CHST10: variants seen among roughly 807,000 people sequenced by gnomAD.
CHST10 encodes the protein HNK-1 sulfotransferase.
In CHST10, 24 loss-of-function variants were observed where a neutral mutation model predicts 34.7. The observed-to-expected ratio is 0.69, with a 90% CI of 0.50 to 0.97. CHST10 has a LOEUF of 0.97. CHST10 is among the 50% of genes least tolerant of loss of function. The probability of loss-of-function intolerance (pLI) is 0.00; values close to 1 mark genes in which losing one functional copy is unlikely to be tolerated. For missense variants in CHST10, 402 were observed against 452.1 expected (o/e 0.89, Z 1.00); for synonymous variants, 161 against 169.3 (o/e 0.95, Z 0.38).
At chr2:100,411,119 T>TC (rs1404489259) in intron 2 of CHST10, among the ~76,000 whole-genome samples, 9 of 147,058 alleles carry the variant, frequency 6.1e-5, no homozygotes, top group East Asian at 5.8e-4. Flanking sequence ...ATTTTTTCTT[T>TC]TTTTTTTTTT....
At chr2:100,401,889 C>T (rs1467378984) in intron 4 of CHST10, among the ~76,000 whole-genome samples, 1 of 152,180 alleles carries the variant, frequency 6.6e-6, no homozygotes, top group Admixed American at 6.5e-5. Context: ...CTCGCTGTAC[C>T]CATTTCATTC....
chr2:100,395,603 A>G lies in CHST10; in HGVS notation c.439T>C (p.Ser147Pro), dbSNP rs1675021343. ...VLIVLNGAFS[S>P]IEEIPENVVH... ...ACGTTTTCGGGGATCTCCTCAATGG[A>G]AGAAAATGCTCCTGGGAAGTAAACG... Residue 147 changes from serine (S) to proline (P), a missense_variant, in exon 6 of 7, where the codon TCC becomes CCC. Coordinates refer to ENST00000264249, the MANE Select transcript of CHST10 (RefSeq NM_004854.5). The G allele has an allele frequency of 6.2e-7, 1 of 1,613,560 alleles. No individual in the cohort carries two copies. Among genetic ancestry groups the G allele is most frequent in the Non-Finnish European group, 8.5e-7 (1 of 1,179,650 alleles).
At position 100,393,781 on chromosome 2, in the gene CHST10, A is replaced by G. The variant is rs756837256; in HGVS notation, c.535T>C (p.Leu179=). 3 of 1,604,046 alleles carry G rather than the reference A, an allele frequency of 1.9e-6. No homozygotes were observed. The highest frequency in any genetic ancestry group is 1.7e-5 in the Admixed American group (1 of 59,850). The change falls in exon 7 of 7, where the codon TTG becomes CTG. Residue 179 remains leucine (L), a splice_region_variant and synonymous_variant. Transcript: ENST00000264249. The stretch of plus-strand genomic sequence containing the variant: ...ATAAAAAACTTGAAGTATGTTTTCA[A>G]TCTAAGGAAAAAAACGAACAAGAGG... The part of the protein sequence containing the change: ...SFSDAEIQKR[L]KTYFKFFIVR...
At chr2:100,403,111 CTAAT>C (rs974756629) in intron 3 of CHST10, among the ~76,000 whole-genome samples, 1 of 152,188 alleles carries the variant, frequency 6.6e-6, no homozygotes, top group African/African-American at 2.4e-5. Context: ...ACCAACCAAT[CTAAT>C]TAGAAAATAG....
rs1675020891 is a variant in CHST10 at position 100,395,595 on chromosome 2, C to T, written c.447G>A (p.Glu149=). The T allele has an allele frequency of 2.5e-6, 4 of 1,613,906 alleles. No individual in the cohort carries two copies. The highest frequency in any genetic ancestry group is 3.4e-6 in the Non-Finnish European group (4 of 1,179,820). ...CGTGCACCACGTTTTCGGGGATCTC[C>T]TCAATGGAAGAAAATGCTCCTGGGA... ...IVLNGAFSSI[E]EIPENVVHDH... Residue 149 remains glutamate, a synonymous_variant, in exon 6 of 7, where the codon GAG becomes GAA. Coordinates refer to ENST00000264249, the MANE Select transcript of CHST10 (RefSeq NM_004854.5).
Position 100,393,292 on chromosome 2 carries a change from C to G in CHST10, c.1024G>C (p.Asp342His). 4 of 1,614,186 alleles carry G rather than the reference C, an allele frequency of 2.5e-6. No homozygotes were observed. The highest frequency in any genetic ancestry group is 3.4e-6 in the Non-Finnish European group (4 of 1,180,034). Residue 342 changes from aspartate to histidine, a missense_variant, in exon 7 of 7, where the codon GAC (aspartate) becomes CAC (histidine). Asp to His is a moderately conservative substitution (Grantham distance 81, BLOSUM62 -1). Transcript: ENST00000264249. Reference protein sequence around the residue: ...IRRLYARFEGDFKLFGYQKPD... With the variant: ...IRRLYARFEGHFKLFGYQKPD... ...TTCTGGTACCCAAAGAGCTTAAAGT[C>G]CCCTTCGAAACGGGCATACAGGCGT...
At chr2:100,397,501 CTGCAGAGAGGG>C (rs1284222026) in intron 5 of CHST10, among the ~76,000 whole-genome samples, 1 of 152,226 alleles carries the variant, frequency 6.6e-6, no homozygotes, top group Non-Finnish European at 1.5e-5. Context: ...GCCCTTCTCA[CTGCAGAGAGGG>C]TGACCGTGAG....
At chr2:100,407,983 T>C (rs1335593591) in intron 2 of CHST10, 2 of 152,124 alleles carry the variant, frequency 1.3e-5, no homozygotes, top group African/African-American at 2.4e-5. Flanking sequence ...AACCCAAATA[T>C]TGCATAAGAC....
chr2:100,407,056 G>A (rs550365414), intron 2 of CHST10, among the ~76,000 whole-genome samples: 2 of 152,268 alleles, frequency 1.3e-5, no homozygotes, highest in African/African-American at 4.8e-5. Context: ...CTCCCACGAT[G>A]GTCTGGAAGC....
At chr2:100,415,619 T>G (rs1392451632) in intron 1 of CHST10, among the ~76,000 whole-genome samples, 1 of 152,188 alleles carries the variant, frequency 6.6e-6, no homozygotes, top group African/African-American at 2.4e-5. Flanking sequence ...TAACATACAA[T>G]AAAGCCCAAG....
chr2:100,415,231 T>C lies in CHST10; in HGVS notation c.-103-120A>G, dbSNP rs145697214. On this transcript the variant is annotated intron_variant, in intron 1 of 6. Coordinates refer to ENST00000264249, the MANE Select transcript of CHST10 (RefSeq NM_004854.5). The stretch of plus-strand genomic sequence containing the variant: ...GAACCATTTTGATGATTCAAATATA[T>C]TTGGCAGAATGGGTCTCTTACAAAG... The C allele has an allele frequency of 6.5e-5, 28 of 431,672 alleles. No homozygotes were observed. The East Asian group carries it at 2.3e-3, about 35-fold the overall frequency. The allele number at this position is 431,672 out of a possible 1,614,324, so 26.7% of individuals were successfully genotyped here.
rs1401512463 is a variant in CHST10 at position 100,392,540 on chromosome 2, T to C, written c.*705A>G. The C allele has an allele frequency of 6.5e-6, 1 of 152,710 alleles. No individual in the cohort carries two copies. The highest frequency in any genetic ancestry group is 1.5e-5 in the Non-Finnish European group (1 of 68,370). 9.5% of individuals were successfully genotyped at this position (152,710 alleles called of 1,614,324 possible). A position where few individuals can be genotyped will look rare whatever the true frequency, so the allele number is the denominator to read the frequency against. ...CCTTCTAAAATCGTATGTCTTGTGC[T>C]GAATGAAATAGGCGCTTGGCAGACA... On this transcript the variant is annotated 3_prime_UTR_variant, in exon 7 of 7. Transcript: ENST00000264249.
chr2:100,399,459 C>T (rs1675236251), intron 4 of CHST10, among the ~76,000 whole-genome samples: 1 of 152,170 alleles, frequency 6.6e-6, no homozygotes, highest in South Asian at 2.1e-4. Flanking sequence ...GCAGATGATC[C>T]TTCCAAATAA....
rs1219665286 is a variant in CHST10, at chr2:100,411,029, C to T, written c.-33+4012G>A. ...CAAACATAGACACATATATGTAATA[C>T]ATAGAATAAAATCATGAGAGGACAG... On this transcript the variant is annotated intron_variant, in intron 2 of 6. Coordinates refer to ENST00000264249, the MANE Select transcript of CHST10 (RefSeq NM_004854.5). 2.0e-5 allele frequency among the ~76,000 whole-genome samples: 3 copies of T among 151,424 alleles called. No homozygotes were observed. In the East Asian group the frequency reaches 5.8e-4, roughly 29 times the overall value.
intron 3 of CHST10, among the ~76,000 whole-genome samples, chr2:100,403,890 C>T (rs1383197641): frequency 2.0e-5 from 3 of 152,210 alleles, no homozygotes; most frequent in Admixed American, 6.5e-5. Context: ...TGCCCAAGAT[C>T]CAGGCTCCGG....
At chr2:100,398,338 C>T (rs910795689) in intron 4 of CHST10, among the ~76,000 whole-genome samples, 196 bp from the exon 5 acceptor site, 9 of 152,124 alleles carry the variant, frequency 5.9e-5, no homozygotes, top group African/African-American at 2.2e-4. Context: ...TCCACCAGCC[C>T]GATCGGCAGG....
intron 6 of CHST10, 56 bp from the exon 7 acceptor site, chr2:100,393,838 G>T: frequency 1.4e-6 from 2 of 1,441,272 alleles, no homozygotes; most frequent in Non-Finnish European, 1.9e-6. Flanking sequence ...TCACAGCTGA[G>T]GGGGCGGGAG....
Position 100,417,359 on chromosome 2 carries a change from C to A in CHST10, c.-104+15G>T. On this transcript the variant is annotated intron_variant, in intron 1 of 6. Coordinates refer to ENST00000264249, the MANE Select transcript of CHST10 (RefSeq NM_004854.5). ...AGGCGCTGAAACCCACCCGCCTGCGCGTCCCCGAGCTCACCCTACTGGAGC... is the reference window on the plus strand; with the variant it reads ...AGGCGCTGAAACCCACCCGCCTGCGAGTCCCCGAGCTCACCCTACTGGAGC... 2.9e-6 allele frequency: 1 copy of A among 341,984 alleles called. No individual in the cohort carries two copies. The highest frequency in any genetic ancestry group is 7.6e-5 in the East Asian group (1 of 13,144). The allele number at this position is 341,984 out of a possible 1,614,324, so 21.2% of individuals were successfully genotyped here.
chr2:100,393,118 G>T lies in CHST10; in HGVS notation c.*127C>A. On this transcript the variant is annotated 3_prime_UTR_variant, in exon 7 of 7. Transcript: ENST00000264249. ...CGTCATATGCCGAGGCAACTCACAG[G>T]CCTGTGGGAGACCCCGGGCGTCCTC... 1.0e-6 allele frequency: 1 copy of T among 967,908 alleles called. No homozygotes were observed. The highest frequency in any genetic ancestry group is 1.6e-6 in the Non-Finnish European group (1 of 641,936). The allele number at this position is 967,908 out of a possible 1,614,324, so 60.0% of individuals were successfully genotyped here.
Sources: allele counts gnomAD v4.1 joint callset (sites outside exome capture counted in the v4.1 genomes callset), GRCh38; gene constraint gnomAD v4.1.1; transcripts MANE v1.5; gene names NCBI Gene and HGNC (gene_info 2026-07-23, HGNC 2026-07-21).